The following ANKS1B variants were observed in gnomAD, a reference collection of about 807,000 sequenced individuals.
The protein encoded by ANKS1B is ankyrin repeat and sterile alpha motif domain-containing protein 1B.
Under a neutral mutation model 148.3 loss-of-function variants are expected in ANKS1B, and 36 were observed. The ratio of observed to expected loss-of-function variants is 0.24; its 90% CI spans 0.19 to 0.32. The LOEUF is 0.32. ANKS1B is among the 10% of genes least tolerant of loss of function. The probability of loss-of-function intolerance (pLI) is 1.00; values close to 1 mark genes in which losing one functional copy is unlikely to be tolerated. For missense variants in ANKS1B, 1,157 were observed against 1,542.6 expected (o/e 0.75, Z 4.19); for synonymous variants, 542 against 560.8 (o/e 0.97, Z 0.47).
At chr12:99,653,803 A>ATGGG (rs1437574556) in intron 9 of ANKS1B, among the ~76,000 whole-genome samples, 1 of 150,870 alleles carries the variant, frequency 6.6e-6, no homozygotes, top group Non-Finnish European at 1.5e-5. Flanking sequence ...AGCTAGGGCT[A>ATGGG]TGGGTGTGTA....
At chr12:99,626,061 T>A (rs1345300784) in intron 9 of ANKS1B, among the ~76,000 whole-genome samples, 4 of 152,100 alleles carry the variant, frequency 2.6e-5, no homozygotes, top group Non-Finnish European at 4.4e-5. Context: ...TTCTATGAGG[T>A]GTATGAGACT....
At chr12:99,589,563 A>G (rs2097678811) in intron 9 of ANKS1B, among the ~76,000 whole-genome samples, 1 of 152,180 alleles carries the variant, frequency 6.6e-6, no homozygotes, top group African/African-American at 2.4e-5. Flanking sequence ...GTCTTAATGA[A>G]GTATAACTTA....
chr12:99,890,617 GTGTGT>G (rs2093050703), intron 1 of ANKS1B, among the ~76,000 whole-genome samples: 1 of 110,718 alleles, frequency 9.0e-6, no homozygotes, highest in Non-Finnish European at 2.0e-5. Context: ...GTGTGTGTGT[GTGTGT>G]GTATTCTCTT....
At chr12:99,971,227 G>A (rs879381176) in intron 1 of ANKS1B, among the ~76,000 whole-genome samples, 3 of 151,958 alleles carry the variant, frequency 2.0e-5, no homozygotes, top group Non-Finnish European at 2.9e-5. Flanking sequence ...AATTCTTCAC[G>A]TTCTCTGCTT....
At chr12:98,742,345 T>C (rs2097805236), downstream of ANKS1B, among the ~76,000 whole-genome samples, 1 of 138,932 alleles carries the variant, frequency 7.2e-6, no homozygotes, top group African/African-American at 2.7e-5. Context: ...CCCATGCAGC[T>C]TTTTTTTTTT....
chr12:99,810,241 G>C (rs1016308105), intron 3 of ANKS1B, among the ~76,000 whole-genome samples: 34 of 152,076 alleles, frequency 2.2e-4, no homozygotes, highest in African/African-American at 7.7e-4. Flanking sequence ...GAGGATTATT[G>C]TGAGAATTCA....
intron 14 of ANKS1B, chr12:99,155,207 G>T: frequency 8.6e-7 from 1 of 1,158,384 alleles, no homozygotes; most frequent in Non-Finnish European, 1.2e-6. Context: ...TTTCTTTCCT[G>T]TCTTTTCTTC....
chr12:99,292,649 A>T (rs1028098049), intron 12 of ANKS1B, among the ~76,000 whole-genome samples: 30 of 152,148 alleles, frequency 2.0e-4, no homozygotes, highest in Non-Finnish European at 3.7e-4. Context: ...CAACAAATTT[A>T]CAAGAAAAAA....
intron 12 of ANKS1B, among the ~76,000 whole-genome samples, chr12:99,325,801 T>A (rs1437711309): frequency 6.6e-6 from 1 of 152,020 alleles, no homozygotes; most frequent in Non-Finnish European, 1.5e-5. Context: ...TACTAAGAGG[T>A]GGCAGTGGTC....
At chr12:99,868,720 A>G (rs944642599) in intron 1 of ANKS1B, among the ~76,000 whole-genome samples, 2 of 152,172 alleles carry the variant, frequency 1.3e-5, no homozygotes, top group Admixed American at 1.3e-4. Flanking sequence ...AATGGAAGAT[A>G]TGCAAGGTCC....
chr12:98,837,685 T>C (rs1185848241), intron 17 of ANKS1B, among the ~76,000 whole-genome samples: 1 of 152,172 alleles, frequency 6.6e-6, no homozygotes, highest in Non-Finnish European at 1.5e-5. Flanking sequence ...TACCCTTACA[T>C]GGAATAGCTT....
intron 19 of ANKS1B, among the ~76,000 whole-genome samples, chr12:98,826,986 A>G (rs1413624222): frequency 6.6e-6 from 1 of 152,186 alleles, no homozygotes; most frequent in Non-Finnish European, 1.5e-5. Context: ...GAATAAGAAA[A>G]AAACAAACAT....
chr12:98,741,164 A>T (rs1385848934), downstream of ANKS1B, among the ~76,000 whole-genome samples: 4 of 152,186 alleles, frequency 2.6e-5, no homozygotes, highest in Non-Finnish European at 4.4e-5. Context: ...TTCCTAACTG[A>T]TACTTCCCAA....
In ANKS1B at chr12:99,134,569, CAT is replaced by C. The variant is rs565620276; in HGVS notation, c.2526+19718_2526+19719del. 3.6e-4 allele frequency among the ~76,000 whole-genome samples: 54 copies of C among 151,734 alleles called. No individual in the cohort carries two copies. The South Asian group carries it at 0.01, about 29-fold the overall frequency. On this transcript the variant is annotated intron_variant, in intron 15 of 26. Coordinates refer to ENST00000683438, the MANE Select transcript of ANKS1B (RefSeq NM_001352186.2). ...CAGCTGCCCACCTGCCTGTAACACA[CAT>C]ATCCCCACCCCAATCTCTCTTTCTC...
At chr12:98,868,357 T>C (rs929996328) in intron 17 of ANKS1B, among the ~76,000 whole-genome samples, 1 of 152,148 alleles carries the variant, frequency 6.6e-6, no homozygotes, top group African/African-American at 2.4e-5. Flanking sequence ...AATCCAGCTG[T>C]CTGGAGGTGG....
intron 4 of ANKS1B, among the ~76,000 whole-genome samples, chr12:99,785,069 G>A (rs1402689586): frequency 6.6e-6 from 1 of 152,078 alleles, no homozygotes; most frequent in East Asian, 1.9e-4. Context: ...GTGGAGGGAG[G>A]GAAGAACACA....
chr12:99,021,862 A>G (rs2153439318), intron 17 of ANKS1B, among the ~76,000 whole-genome samples: 1 of 152,302 alleles, frequency 6.6e-6, no homozygotes, highest in Non-Finnish European at 1.5e-5. Context: ...ATAGTACGAA[A>G]TAATCTCATA....
chr12:99,242,012 C>T (rs1163946043), intron 14 of ANKS1B, among the ~76,000 whole-genome samples: 3 of 152,164 alleles, frequency 2.0e-5, no homozygotes, highest in South Asian at 2.1e-4. Context: ...CCTCTCTCAC[C>T]ACTCCTATTC....
At chr12:99,430,603 G>A (rs957375650) in intron 11 of ANKS1B, among the ~76,000 whole-genome samples, 3 of 152,110 alleles carry the variant, frequency 2.0e-5, no homozygotes, top group Non-Finnish European at 4.4e-5. Context: ...CCTATTCTCC[G>A]ACTCCTTATT....
Sources: gnomAD v4.1 joint callset for allele counts (sites outside exome capture counted in the v4.1 genomes callset) on GRCh38, gnomAD v4.1.1 for gene constraint, MANE v1.5 for transcripts, NCBI Gene and HGNC (gene_info 2026-07-23, HGNC 2026-07-21) for gene names.